The following RPAP3 variants were observed in gnomAD, a reference collection of about 807,000 sequenced individuals.
RPAP3 encodes the protein RNA polymerase II associated protein 3, also known as RNA polymerase II-associated protein 3.
RPAP3 carries 58 observed loss-of-function variants against 88.8 expected under a neutral mutation model. The ratio of observed to expected loss-of-function variants is 0.65; its 90% CI spans 0.53 to 0.81. The LOEUF (loss-of-function observed/expected upper bound fraction) is 0.81, where lower values mean the gene tolerates loss of function less well. RPAP3 is among the 40% of genes least tolerant of loss of function. The probability of loss-of-function intolerance (pLI) is 0.00; values close to 1 mark genes in which losing one functional copy is unlikely to be tolerated. For missense variants in RPAP3, 751 were observed against 764.3 expected (o/e 0.98, Z 0.20); for synonymous variants, 255 against 259.9 (o/e 0.98, Z 0.18).
In RPAP3 at chr12:47,689,112, A is replaced by G; in HGVS notation, c.738+13T>C. On this transcript the variant is annotated intron_variant, in intron 7 of 16. Transcript: ENST00000005386. ...AGGTCATAATACACTTAATTTAAAT[A>G]ACTATAGTTTACCTGACTGATTTTC... The G allele has an allele frequency of 1.6e-6, 2 of 1,259,696 alleles. No homozygotes were observed. The highest frequency in any genetic ancestry group is 2.5e-5 in the South Asian group (2 of 78,472). 78.0% of individuals were successfully genotyped at this position (1,259,696 alleles called of 1,614,324 possible).
At chr12:47,698,227 A>C (rs1939576205) in intron 3 of RPAP3, among the ~76,000 whole-genome samples, 1 of 152,176 alleles carries the variant, frequency 6.6e-6, no homozygotes, top group Admixed American at 6.5e-5. Flanking sequence ...TTTTCACTTG[A>C]GGGAACTGAA....
intron 9 of RPAP3, 68 bp downstream of exon 9, chr12:47,686,712 T>A (rs1345283884): frequency 8.1e-7 from 1 of 1,239,540 alleles, no homozygotes; most frequent in East Asian, 2.7e-5. Flanking sequence ...AGGTAACTTA[T>A]GGTAAAAATT....
chr12:47,695,094 A>AGAAAGAAAGAGGGACAGAAGGAG lies in RPAP3; in HGVS notation c.545+1159_545+1181dup, dbSNP rs367796424. Among the ~76,000 whole-genome samples the AGAAAGAAAGAGGGACAGAAGGAG allele has an allele frequency of 3.2e-3, 490 of 152,142 alleles. 1 individual carries two copies. The highest frequency in any genetic ancestry group is 0.011 in the African/African-American group (462 of 41,512). ...AAAGAAAGGACAGAAGGTGGGCAAT[A>AGAAAGAAAGAGGGACAGAAGGAG]GAAAGAAAGAGGGACAGAAGGAGGG... On this transcript the variant is annotated intron_variant, in intron 5 of 16. Transcript: ENST00000005386.
intron 5 of RPAP3, among the ~76,000 whole-genome samples, chr12:47,693,397 T>C (rs1336540581): frequency 6.6e-6 from 1 of 152,048 alleles, no homozygotes; most frequent in African/African-American, 2.4e-5. Flanking sequence ...ACAGATACAA[T>C]TATAATAAAT....
At position 47,690,820 on chromosome 12, in the gene RPAP3, T is replaced by C. The variant is rs200111612; in HGVS notation, c.546-181A>G. ...GCAATACTGCCATTGCTCAAAGATA[T>C]TGTGGGTTTGATTCTAGACCACCAC... On this transcript the variant is annotated intron_variant, in intron 5 of 16. Transcript: ENST00000005386. Among the ~76,000 whole-genome samples, 3 of 152,238 alleles carry C rather than the reference T, an allele frequency of 2.0e-5. No homozygotes were observed. In the East Asian group the frequency reaches 5.8e-4, roughly 29 times the overall value.
intron 5 of RPAP3, among the ~76,000 whole-genome samples, chr12:47,691,045 G>A (rs142453426): frequency 6.6e-6 from 1 of 152,226 alleles, no homozygotes; most frequent in East Asian, 1.9e-4. Flanking sequence ...TTATCTTTGT[G>A]CTGTTGGACG....
At chr12:47,688,424 A>G (rs1452544660) in intron 7 of RPAP3, among the ~76,000 whole-genome samples, 3 of 152,010 alleles carry the variant, frequency 2.0e-5, no homozygotes, top group Non-Finnish European at 2.9e-5. Context: ...CATACCCCAA[A>G]CCTCAGTATC....
intron 9 of RPAP3, 83 bp from the exon 10 acceptor site, chr12:47,681,900 A>C (rs913458172): frequency 8.9e-5 from 118 of 1,322,726 alleles, no homozygotes; most frequent in Non-Finnish European, 1.1e-4. Context: ...TAATTTAAAA[A>C]GCTTGTATAT....
rs573262464 is a variant in RPAP3, at chr12:47,661,923, C to G, written c.*1582G>C. 6.6e-6 allele frequency: 1 copy of G among 152,276 alleles called. No individual in the cohort carries two copies. The highest frequency in any genetic ancestry group is 2.1e-4 in the South Asian group (1 of 4,822). The allele number at this position is 152,276 out of a possible 1,614,324, so 9.4% of individuals were successfully genotyped here. A position where few individuals can be genotyped will look rare whatever the true frequency, so the allele number is the denominator to read the frequency against. On this transcript the variant is annotated 3_prime_UTR_variant, in exon 17 of 17. Coordinates refer to ENST00000005386, the MANE Select transcript of RPAP3 (RefSeq NM_024604.3). ...CATTCGGGTTGCTATAATAAAATAT[C>G]AAACTGGGTAGCTTACATTAATAAA...
Position 47,696,407 on chromosome 12 carries a change from A to C in RPAP3, c.418-4T>G, listed in dbSNP as rs1939528167. The C allele has an allele frequency of 6.4e-7, 1 of 1,550,508 alleles. No homozygotes were observed. Among genetic ancestry groups the C allele is most frequent in the Non-Finnish European group, 8.7e-7 (1 of 1,145,510 alleles). On this transcript the variant is annotated splice_region_variant and splice_polypyrimidine_tract_variant and intron_variant, in intron 4 of 16. Transcript: ENST00000005386. The stretch of plus-strand genomic sequence containing the variant: ...CTTGTTTGAAGTATTTATTGCCCTG[A>C]AAGAAAATTATATAAAATGATCTTT...
At chr12:47,701,957 T>A (rs950586505) in intron 2 of RPAP3, among the ~76,000 whole-genome samples, 5 of 152,226 alleles carry the variant, frequency 3.3e-5, no homozygotes, top group Admixed American at 3.3e-4. Flanking sequence ...CTCCATATTA[T>A]GTACAGTATG....
In RPAP3 at chr12:47,689,170, T is replaced by G; in HGVS notation, c.693A>C (p.Glu231Asp). 1 of 1,464,950 alleles carries G rather than the reference T, an allele frequency of 6.8e-7. No individual in the cohort carries two copies. The highest frequency in any genetic ancestry group is 2.3e-5 in the East Asian group (1 of 43,448). 90.7% of individuals were successfully genotyped at this position (1,464,950 alleles called of 1,614,324 possible). The change falls in exon 7 of 17, where the codon GAA (glutamate) becomes GAC (aspartate). Residue 231 changes from glutamate (E) to aspartate (D), a missense_variant. Transcript: ENST00000005386. Reference protein sequence around the residue: ...KKDYERVLELEPNNFEATNEL... With the variant: ...KKDYERVLELDPNNFEATNEL... ...CATTTGTTGCTTCAAAGTTATTTGG[T>G]TCTAGTTCTAATACTCTTTCATAAT...
At chr12:47,672,844 A>T (rs1243508971) in intron 12 of RPAP3, among the ~76,000 whole-genome samples, 1 of 152,162 alleles carries the variant, frequency 6.6e-6, no homozygotes, top group Admixed American at 6.5e-5. Flanking sequence ...TTTTAACAAG[A>T]AGGTGGGCCC....
intron 9 of RPAP3, 125 bp downstream of exon 9, chr12:47,686,655 C>A: frequency 4.8e-6 from 3 of 624,558 alleles, no homozygotes; most frequent in South Asian, 6.6e-5. Context: ...TTAAATTTAC[C>A]ATAAATTGGC....
Position 47,701,605 on chromosome 12 carries a change from C to A in RPAP3, c.154-1G>T. On this transcript the variant is annotated splice_acceptor_variant, in intron 2 of 16. Transcript: ENST00000005386. LOFTEE classifies it high-confidence loss of function. ...TCCCATTTCGAATAGGAGGTAAATT[C>A]TAAGGAGGGAAAAAAAAACACAAAG... 1 of 1,568,756 alleles carries A rather than the reference C, an allele frequency of 6.4e-7. No individual in the cohort carries two copies. Among genetic ancestry groups the A allele is most frequent in the African/African-American group, 1.4e-5 (1 of 72,274 alleles).
chr12:47,691,380 A>G (rs1939425335), intron 5 of RPAP3, among the ~76,000 whole-genome samples: 1 of 152,182 alleles, frequency 6.6e-6, no homozygotes. Context: ...AAAATCTTGA[A>G]CCCCTCAAAG....
intron 12 of RPAP3, among the ~76,000 whole-genome samples, chr12:47,678,021 A>C (rs1002744439): frequency 1.1e-4 from 17 of 152,198 alleles, no homozygotes; most frequent in African/African-American, 3.9e-4. Flanking sequence ...ACAATAACCG[A>C]AACAGCATGG....
chr12:47,666,913 C>G, intron 16 of RPAP3, 67 bp downstream of exon 16: 3 of 666,186 alleles, frequency 4.5e-6, no homozygotes, highest in Non-Finnish European at 7.5e-6. Flanking sequence ...TAAATGTCAG[C>G]TATTATTTGT....
At position 47,686,920 on chromosome 12, in the gene RPAP3, A is replaced by G. The variant is rs769087994; in HGVS notation, c.865-13T>C. On this transcript the variant is annotated splice_polypyrimidine_tract_variant and intron_variant, in intron 8 of 16. Coordinates refer to ENST00000005386, the MANE Select transcript of RPAP3 (RefSeq NM_024604.3). ...AAAATCCATTCCCCTGTTATTTTGT[A>G]GAGAGATATGGAGAATAAAAAAAAA... is the stretch of plus-strand genomic sequence containing the variant. The G allele has an allele frequency of 2.6e-6, 4 of 1,558,510 alleles. No individual in the cohort carries two copies. The African/African-American group carries it at 5.5e-5, about 21-fold the overall frequency.
Sources: gnomAD v4.1 joint callset for allele counts (sites outside exome capture counted in the v4.1 genomes callset) on GRCh38, gnomAD v4.1.1 for gene constraint, MANE v1.5 for transcripts, NCBI Gene and HGNC (gene_info 2026-07-23, HGNC 2026-07-21) for gene names.